RAB5A: variants seen among roughly 807,000 people sequenced by gnomAD.
The protein encoded by RAB5A is ras-related protein Rab-5A.
In RAB5A, 8 loss-of-function variants were observed where a neutral mutation model predicts 25.7. The ratio of observed to expected loss-of-function variants is 0.31; its 90% CI spans 0.18 to 0.56. The LOEUF is 0.56. Among genes scored for constraint, RAB5A ranks in the 20% least tolerant of loss-of-function variants. The probability of loss-of-function intolerance (pLI) is 0.91; values close to 1 mark genes in which losing one functional copy is unlikely to be tolerated. For missense variants in RAB5A, 192 were observed against 259.7 expected (o/e 0.74, Z 1.79); for synonymous variants, 98 against 89.8 (o/e 1.09, Z -0.52).
intron 2 of RAB5A, among the ~76,000 whole-genome samples, chr3:19,955,938 A>T (rs1696495201): frequency 6.6e-6 from 1 of 152,102 alleles, no homozygotes; most frequent in Non-Finnish European, 1.5e-5. Context: ...TTTGAGAATT[A>T]CATGTATTAT....
At chr3:19,983,621 C>G (rs774664395) in intron 5 of RAB5A, 87 bp from the exon 6 acceptor site, 10 of 933,552 alleles carry the variant, frequency 1.1e-5, no homozygotes, top group African/African-American at 3.3e-5. Context: ...GGTAACCTAA[C>G]TGGAAAGAAA....
At chr3:19,953,047 C>A (rs1696446318) in intron 2 of RAB5A, among the ~76,000 whole-genome samples, 1 of 149,098 alleles carries the variant, frequency 6.7e-6, no homozygotes, top group Non-Finnish European at 1.5e-5. Flanking sequence ...TACTCTTCTC[C>A]TCTCTCTTTA....
rs1487838740 is a variant in RAB5A at position 19,984,191 on chromosome 3, T to TA, written c.*369dup. 3.3e-5 allele frequency: 14 copies of TA among 421,204 alleles called. No homozygotes were observed. Among genetic ancestry groups the TA allele is most frequent in the African/African-American group, 1.7e-4 (8 of 46,928 alleles). 26.1% of individuals were successfully genotyped at this position (421,204 alleles called of 1,614,324 possible). On this transcript the variant is annotated 3_prime_UTR_variant, in exon 6 of 6. Coordinates refer to ENST00000273047, the MANE Select transcript of RAB5A (RefSeq NM_004162.5). ...CACCTGTGAAAAAAAAATTGGAACT[T>TA]ACTAATTTGGGCTTTTCAAAAACAT...
intron 1 of RAB5A, among the ~76,000 whole-genome samples, chr3:19,950,412 ATCTC>A (rs1696406314): frequency 6.6e-6 from 1 of 152,218 alleles, no homozygotes; most frequent in Non-Finnish European, 1.5e-5. Context: ...AACTCGAGTC[ATCTC>A]TCAGGTTGCC....
At chr3:19,956,946 C>CTTT (rs748433119) in intron 2 of RAB5A, among the ~76,000 whole-genome samples, 54 of 135,220 alleles carry the variant, frequency 4.0e-4, no homozygotes, top group Admixed American at 6.0e-4. Flanking sequence ...GTTTTTTTTC[C>CTTT]TTTTTTTTTT....
At chr3:19,951,907 A>G (rs1264471215) in intron 2 of RAB5A, among the ~76,000 whole-genome samples, 2 of 151,948 alleles carry the variant, frequency 1.3e-5, no homozygotes. Flanking sequence ...GGAAAATGGA[A>G]CCTGAAGAAA....
At chr3:19,979,793 C>T (rs930501707) in intron 5 of RAB5A, among the ~76,000 whole-genome samples, 6 of 151,830 alleles carry the variant, frequency 4.0e-5, no homozygotes, top group African/African-American at 9.7e-5. Flanking sequence ...CAAAGTTTGC[C>T]GTCTGTGGTT....
intron 2 of RAB5A, among the ~76,000 whole-genome samples, chr3:19,952,692 G>A (rs1472687324): frequency 6.6e-6 from 1 of 151,842 alleles, no homozygotes; most frequent in Non-Finnish European, 1.5e-5. Flanking sequence ...TTTATTTTGA[G>A]TCAGAAGTCT....
chr3:19,970,833 C>G (rs1431109830), intron 2 of RAB5A: 5 of 300,814 alleles, frequency 1.7e-5, no homozygotes, highest in South Asian at 1.4e-4. Context: ...TTTAGGAGCA[C>G]TGAGGATTTG....
In RAB5A at chr3:19,975,487, C is replaced by T. The variant is rs1035949780; in HGVS notation, c.164-114C>T. 4.2e-6 allele frequency: 4 copies of T among 955,182 alleles called. No homozygotes were observed. In the African/African-American group the frequency reaches 5.0e-5, roughly 12 times the overall value. The allele number at this position is 955,182 out of a possible 1,614,324, so 59.2% of individuals were successfully genotyped here. On this transcript the variant is annotated intron_variant, in intron 2 of 5. Transcript: ENST00000273047. ...TTTTAACTGACACATAATAGTTGTA[C>T]ATACTTACGGGGTACAGTGTGACAT...
intron 4 of RAB5A, 92 bp downstream of exon 4, chr3:19,976,261 C>A: frequency 1.5e-6 from 2 of 1,350,358 alleles, no homozygotes; most frequent in Non-Finnish European, 1.0e-6. Context: ...ATGTCAAAAC[C>A]ATGCAAGTAA....
intron 2 of RAB5A, among the ~76,000 whole-genome samples, chr3:19,972,814 A>ACATGTATGGTGGC (rs1696769500): frequency 6.6e-6 from 1 of 152,170 alleles, no homozygotes. Flanking sequence ...TGTATGGTGT[A>ACATGTATGGTGGC]CATGTATGGT....
intron 2 of RAB5A, among the ~76,000 whole-genome samples, chr3:19,969,424 C>G (rs1296180013): frequency 6.6e-6 from 1 of 152,122 alleles, no homozygotes; most frequent in African/African-American, 2.4e-5. Flanking sequence ...CTACTGGTCT[C>G]CTTTTCTGTT....
chr3:19,956,552 A>C (rs1696505649), intron 2 of RAB5A, among the ~76,000 whole-genome samples: 1 of 152,234 alleles, frequency 6.6e-6, no homozygotes, highest in Non-Finnish European at 1.5e-5. Flanking sequence ...ATGGCCAACT[A>C]GTTGTTTTTA....
At chr3:19,970,026 TCCAGACC>T (rs1696722362) in intron 2 of RAB5A, among the ~76,000 whole-genome samples, 2 of 117,448 alleles carry the variant, frequency 1.7e-5, no homozygotes, top group African/African-American at 6.1e-5. Flanking sequence ...GGCCTTGAAT[TCCAGACC>T]TTGTGATCCA....
At chr3:19,971,211 A>AAAC (rs1696746200) in intron 2 of RAB5A, among the ~76,000 whole-genome samples, 1 of 146,860 alleles carries the variant, frequency 6.8e-6, no homozygotes, top group African/African-American at 2.5e-5. Context: ...AAAAAAAAAA[A>AAAC]AAAACACTAT....
intron 4 of RAB5A, among the ~76,000 whole-genome samples, chr3:19,977,095 G>A (rs1170414306): frequency 4.0e-5 from 6 of 148,774 alleles, no homozygotes; most frequent in South Asian, 4.2e-4. Context: ...TTTTTAAGAT[G>A]GAGTCTTGCT....
intron 2 of RAB5A, among the ~76,000 whole-genome samples, chr3:19,965,928 A>T (rs1001654662): frequency 2.0e-5 from 3 of 151,934 alleles, no homozygotes; most frequent in Non-Finnish European, 4.4e-5. Flanking sequence ...CGATTTCTCC[A>T]TGTTGCCCGG....
intron 2 of RAB5A, among the ~76,000 whole-genome samples, chr3:19,972,673 TAAAA>T (rs1696767433): frequency 6.6e-6 from 1 of 152,220 alleles, no homozygotes; most frequent in African/African-American, 2.4e-5. Context: ...TTTGTTTAAA[TAAAA>T]TGGATTTTTC....
Sources: allele counts gnomAD v4.1 joint callset (sites outside exome capture counted in the v4.1 genomes callset), GRCh38; gene constraint gnomAD v4.1.1; transcripts MANE v1.5; gene names NCBI Gene and HGNC (gene_info 2026-07-23, HGNC 2026-07-21).